PCNP: variants seen among roughly 807,000 people sequenced by gnomAD.
PCNP encodes the protein PEST proteolytic signal-containing nuclear protein.
Under a neutral mutation model 21.8 loss-of-function variants are expected in PCNP, and 6 were observed. The ratio of observed to expected loss-of-function variants is 0.28; its 90% CI spans 0.15 to 0.54. The LOEUF is 0.54. Ranked by LOEUF, PCNP falls within the 20% of genes least tolerant of loss-of-function variation. PCNP has a pLI of 0.95. For missense variants in PCNP, 161 were observed against 215.5 expected, an observed-to-expected ratio of 0.75 and a Z score of 1.58; for synonymous variants, 67 against 73.2, an observed-to-expected ratio of 0.92 and a Z score of 0.43.
Position 101,581,664 on chromosome 3 carries a change from C to A in PCNP, c.279+1660C>A, listed in dbSNP as rs560101635. On this transcript the variant is annotated intron_variant, in intron 2 of 4. Coordinates refer to ENST00000265260, the MANE Select transcript of PCNP (RefSeq NM_020357.3). ...GGCCAGGCTGGTCTCAAACTCCTGA[C>A]CTCAGGTGATCTGTCCACCTCAGCC... Among the ~76,000 whole-genome samples the A allele has an allele frequency of 2.6e-5, 4 of 152,158 alleles. No homozygotes were observed. In the South Asian group the frequency reaches 8.3e-4, roughly 32 times the overall value.
intron 2 of PCNP, among the ~76,000 whole-genome samples, chr3:101,583,258 C>T (rs1439681119): frequency 6.6e-6 from 1 of 152,138 alleles, no homozygotes; most frequent in Non-Finnish European, 1.5e-5. Context: ...GAGTTCGAGA[C>T]CAGCCTGGCC....
intron 1 of PCNP, among the ~76,000 whole-genome samples, chr3:101,575,429 TGTTA>T (rs760321979): frequency 1.9e-4 from 29 of 151,938 alleles, no homozygotes; most frequent in Non-Finnish European, 3.8e-4. Flanking sequence ...CGTACAATTC[TGTTA>T]GTTAAGCTGG....
intron 1 of PCNP, 97 bp downstream of exon 1, chr3:101,574,376 G>A: frequency 1.4e-6 from 2 of 1,390,550 alleles, no homozygotes; most frequent in Middle Eastern, 2.6e-4. Context: ...AGAATGGGCG[G>A]ATCTGGACCT....
At chr3:101,590,563 T>G (rs1317340251) in intron 4 of PCNP, among the ~76,000 whole-genome samples, 1 of 152,196 alleles carries the variant, frequency 6.6e-6, no homozygotes, top group Non-Finnish European at 1.5e-5. Flanking sequence ...AGACTACTTC[T>G]TGACAGGGTC....
intron 2 of PCNP, among the ~76,000 whole-genome samples, chr3:101,584,626 G>A (rs561821581): frequency 1.3e-5 from 2 of 152,018 alleles, no homozygotes; most frequent in African/African-American, 4.8e-5. Context: ...ATGCAGTGGC[G>A]TGATCTCACC....
chr3:101,578,354 G>A (rs999620111), intron 1 of PCNP, among the ~76,000 whole-genome samples: 2 of 152,182 alleles, frequency 1.3e-5, no homozygotes, highest in Admixed American at 6.5e-5. Flanking sequence ...TACTCTTTCA[G>A]AGATATTCTG....
intron 3 of PCNP, among the ~76,000 whole-genome samples, chr3:101,589,082 A>G (rs1313683074): frequency 6.6e-6 from 1 of 152,178 alleles, no homozygotes. Context: ...GGTTTGCCAA[A>G]TGATGATTTT....
At chr3:101,586,508 C>G (rs1417560335) in intron 3 of PCNP, among the ~76,000 whole-genome samples, 1 of 102,448 alleles carries the variant, frequency 9.8e-6, no homozygotes, top group East Asian at 3.0e-4. Context: ...CAGGATACAT[C>G]AGTAGTTGTT....
Position 101,586,113 on chromosome 3 carries a change from G to A in PCNP, c.354+602G>A, listed in dbSNP as rs906352740. On this transcript the variant is annotated intron_variant, in intron 3 of 4. Coordinates refer to ENST00000265260, the MANE Select transcript of PCNP (RefSeq NM_020357.3). Reference sequence around the variant, plus strand: ...TTGAACCCAGGAGATGGAGGTTGCAGTGAGCCAAGATCATGCCACTGCACT... The same window carrying A: ...TTGAACCCAGGAGATGGAGGTTGCAATGAGCCAAGATCATGCCACTGCACT... Among the ~76,000 whole-genome samples the A allele has an allele frequency of 2.0e-5, 3 of 146,608 alleles. No homozygotes were observed. The East Asian group carries it at 6.1e-4, about 30-fold the overall frequency.
chr3:101,578,243 A>G (rs965590046), intron 1 of PCNP, among the ~76,000 whole-genome samples: 4 of 152,340 alleles, frequency 2.6e-5, no homozygotes, highest in Admixed American at 2.0e-4. Flanking sequence ...GGGCTCCACT[A>G]TGAAATGTCA....
chr3:101,574,290 C>T lies in PCNP; in HGVS notation c.64+11C>T. The T allele has an allele frequency of 5.2e-6, 8 of 1,539,350 alleles. No homozygotes were observed. The highest frequency in any genetic ancestry group is 2.6e-6 in the Non-Finnish European group (3 of 1,138,994). Reference sequence around the variant, plus strand: ...CTGGAGCCGCCGGAGGTGAACACAACCCCAGCGTCGTGGGCAGCGTGGGAT... The same window carrying T: ...CTGGAGCCGCCGGAGGTGAACACAATCCCAGCGTCGTGGGCAGCGTGGGAT... On this transcript the variant is annotated intron_variant, in intron 1 of 4. Transcript: ENST00000265260.
chr3:101,590,834 C>T (rs1391540428), intron 4 of PCNP, among the ~76,000 whole-genome samples: 2 of 152,180 alleles, frequency 1.3e-5, no homozygotes, highest in African/African-American at 2.4e-5. Flanking sequence ...CAGGTGTAAG[C>T]CACCATGCCC....
At chr3:101,592,286 G>A (rs754557288) in intron 4 of PCNP, among the ~76,000 whole-genome samples, 1 of 152,020 alleles carries the variant, frequency 6.6e-6, no homozygotes. Context: ...CAGTTGTCCT[G>A]CCTCAGCCTC....
chr3:101,592,782 G>A lies in PCNP; in HGVS notation c.*29G>A, dbSNP rs1475160145. The A allele has an allele frequency of 3.1e-6, 5 of 1,601,580 alleles. No homozygotes were observed. Among genetic ancestry groups the A allele is most frequent in the Non-Finnish European group, 4.3e-6 (5 of 1,173,796 alleles). On this transcript the variant is annotated 3_prime_UTR_variant, in exon 5 of 5. Transcript: ENST00000265260. ...ATGTTTTGAAATTGGGGTGTGGGGT[G>A]GGTGTAAAGTTAAAAGGAACAGTTT... is the stretch of plus-strand genomic sequence containing the variant.
At chr3:101,585,603 A>G in intron 3 of PCNP, 92 bp downstream of exon 3, 1 of 695,038 alleles carries the variant, frequency 1.4e-6, no homozygotes, top group Non-Finnish European at 2.4e-6. Context: ...GTATTAGTGA[A>G]TTTTCTTTAT....
rs1342787162 is a variant in PCNP, at chr3:101,574,274, C to G, written c.59C>G (p.Ala20Gly). Residue 20 changes from alanine (A) to glycine (G), a missense_variant, in exon 1 of 5, where the codon GCC (alanine) becomes GGC (glycine). By Grantham distance (60) the Ala-to-Gly change is moderately conservative. Transcript: ENST00000265260. ...KPEKSQRAGAAGGPEEEAEKP... is the reference protein window; with the variant it reads ...KPEKSQRAGAGGGPEEEAEKP... ...GAAAAGTCGCAGCGAGCTGGAGCCG[C>G]CGGAGGTGAACACAACCCCAGCGTC... 6.5e-7 allele frequency: 1 copy of G among 1,545,356 alleles called. No individual in the cohort carries two copies. Among genetic ancestry groups the G allele is most frequent in the Non-Finnish European group, 8.7e-7 (1 of 1,143,538 alleles).
chr3:101,591,232 C>T (rs999865434), intron 4 of PCNP, among the ~76,000 whole-genome samples: 2 of 152,120 alleles, frequency 1.3e-5, no homozygotes, highest in Admixed American at 6.6e-5. Context: ...TAAGTTAACA[C>T]GATGTGCAGT....
chr3:101,574,407 C>G (rs1366876403), intron 1 of PCNP, 128 bp downstream of exon 1: 19 of 1,187,240 alleles, frequency 1.6e-5, no homozygotes, highest in Admixed American at 3.0e-5. Flanking sequence ...GGTGTTGGGC[C>G]CAGACCTGCC....
intron 4 of PCNP, 138 bp downstream of exon 4, chr3:101,590,408 A>G (rs1935744987): frequency 1.7e-6 from 1 of 583,684 alleles, no homozygotes. Flanking sequence ...TCTGTGTACT[A>G]GATGATTAAT....
Sources: allele counts gnomAD v4.1 joint callset (sites outside exome capture counted in the v4.1 genomes callset), GRCh38; gene constraint gnomAD v4.1.1; transcripts MANE v1.5; gene names NCBI Gene and HGNC (gene_info 2026-07-23, HGNC 2026-07-21).